Variants in KATNAL2 observed in about 807,000 individuals in gnomAD.
The protein encoded by KATNAL2 is katanin p60 ATPase-containing subunit A-like 2.
In KATNAL2, 52 loss-of-function variants were observed where a neutral mutation model predicts 76.3. The ratio of observed to expected loss-of-function variants is 0.68; its 90% CI spans 0.55 to 0.86. The LOEUF (loss-of-function observed/expected upper bound fraction) is 0.86, where lower values mean the gene tolerates loss of function less well. Ranked by LOEUF, KATNAL2 falls within the 40% of genes least tolerant of loss-of-function variation. KATNAL2 has a pLI of 0.00. For missense variants in KATNAL2, 660 were observed against 668.9 expected (o/e 0.99, Z 0.15); for synonymous variants, 243 against 244.2 (o/e 1.00, Z 0.05).
At chr18:46,932,478 C>A (rs1426735162) in intron 1 of KATNAL2, among the ~76,000 whole-genome samples, 2 of 151,206 alleles carry the variant, frequency 1.3e-5, no homozygotes, top group Non-Finnish European at 2.9e-5. Flanking sequence ...AGTTTGAGAC[C>A]AGCCTGGCCA....
chr18:47,055,839 C>T (rs553856218), intron 6 of KATNAL2, among the ~76,000 whole-genome samples: 20 of 152,240 alleles, frequency 1.3e-4, no homozygotes, highest in South Asian at 8.3e-4. Flanking sequence ...CAAGGAGCAC[C>T]GTGGCACATT....
intron 4 of KATNAL2, 116 bp from the exon 5 acceptor site, chr18:47,052,764 A>C (rs1290734274): frequency 2.9e-6 from 2 of 685,358 alleles, no homozygotes; most frequent in East Asian, 2.9e-5. Flanking sequence ...TTTTCATCTA[A>C]TGTGCTATAT....
chr18:47,033,108 C>G (rs757135048), intron 3 of KATNAL2: 1 of 1,614,166 alleles, frequency 6.2e-7, no homozygotes, highest in Non-Finnish European at 8.5e-7. Context: ...GCGCCGCGTG[C>G]TCATTGCTGC....
intron 4 of KATNAL2, among the ~76,000 whole-genome samples, chr18:47,048,756 A>G (rs1438861822): frequency 1.2e-4 from 18 of 150,588 alleles, no homozygotes; most frequent in Admixed American, 7.9e-4. Flanking sequence ...TGTTCAATCT[A>G]TGACAGGGCT....
At chr18:46,918,226 G>C (rs755368290) in intron 1 of KATNAL2, among the ~76,000 whole-genome samples, 10 of 152,166 alleles carry the variant, frequency 6.6e-5, no homozygotes, top group Non-Finnish European at 1.5e-4. Flanking sequence ...GCTGATATAG[G>C]ATGAAGGAAG....
rs2146662276 is a variant in KATNAL2, at chr18:46,946,455, G to A, written c.-111G>A. On this transcript the variant is annotated 5_prime_UTR_variant, in exon 2 of 18. Coordinates refer to ENST00000683218, the MANE Select transcript of KATNAL2 (RefSeq NM_001387690.1). ...CAAACCTTTACCCTAATCCAGGGAG[G>A]AGAAGACGGGACGTCAAAATATAGT... The A allele has an allele frequency of 1.0e-6, 1 of 985,456 alleles. No homozygotes were observed. The highest frequency in any genetic ancestry group is 4.7e-5 in the South Asian group (1 of 21,290). The allele number at this position is 985,456 out of a possible 1,614,324, so 61.0% of individuals were successfully genotyped here. A position where few individuals can be genotyped will look rare whatever the true frequency, so the allele number is the denominator to read the frequency against.
chr18:47,089,487 A>G (rs879458951), intron 15 of KATNAL2, among the ~76,000 whole-genome samples: 1 of 152,168 alleles, frequency 6.6e-6, no homozygotes, highest in Non-Finnish European at 1.5e-5. Flanking sequence ...TGATGCTCTC[A>G]ACCCAAACAT....
intron 6 of KATNAL2, 40 bp from the exon 7 acceptor site, chr18:47,058,195 C>T (rs2061524305): frequency 7.6e-7 from 1 of 1,310,268 alleles, no homozygotes; most frequent in Non-Finnish European, 1.1e-6. Context: ...AATTAAGTGG[C>T]TAGAATAATT....
In KATNAL2 at chr18:47,033,802, T is replaced by G. The variant is rs1279329299; in HGVS notation, c.52-12655T>G. 3 of 1,614,066 alleles carry G rather than the reference T, an allele frequency of 1.9e-6. No individual in the cohort carries two copies. In the Admixed American group the frequency reaches 5.0e-5, roughly 27 times the overall value. The stretch of plus-strand genomic sequence containing the variant: ...CTTTGGTGAAGAGAGTGCTTCTGGC[T>G]TTGCCTGGGAGGTCATGGAGTCAGA... On this transcript the variant is annotated intron_variant, in intron 3 of 17. Coordinates refer to ENST00000683218, the MANE Select transcript of KATNAL2 (RefSeq NM_001387690.1).
In KATNAL2 at chr18:47,088,128, C is replaced by T. The variant is rs907937128; in HGVS notation, c.1211+10667C>T. Among the ~76,000 whole-genome samples the T allele has an allele frequency of 3.3e-5, 5 of 152,170 alleles. No homozygotes were observed. In the East Asian group the frequency reaches 5.8e-4, roughly 18 times the overall value. The stretch of plus-strand genomic sequence containing the variant: ...TAAAAGGTTTTTTATTCTGGTAGAC[C>T]GCCTCTCCTCAGTCCTTTGGCTAGC... On this transcript the variant is annotated intron_variant, in intron 15 of 17. Coordinates refer to ENST00000683218, the MANE Select transcript of KATNAL2 (RefSeq NM_001387690.1).
In KATNAL2 at chr18:46,952,890, C is replaced by CTTT. The variant is rs35782374; in HGVS notation, c.51+5987_51+5989dup. 5.9e-3 allele frequency among the ~76,000 whole-genome samples: 548 copies of CTTT among 92,986 alleles called. 5 individuals carry two copies. Among genetic ancestry groups the CTTT allele is most frequent in the African/African-American group, 9.7e-3 (228 of 23,396 alleles). The allele number at this position is 92,986 out of a possible 152,430, so 61.0% of individuals were successfully genotyped here. A position where few individuals can be genotyped will look rare whatever the true frequency, so the allele number is the denominator to read the frequency against. ...TCCCTCCCTCCCTGCTTCCTTCCTTCTTTTTTTTTTTTTTTTTTTTTTGAG... is the reference window on the plus strand; with the variant it reads ...TCCCTCCCTCCCTGCTTCCTTCCTTCTTTTTTTTTTTTTTTTTTTTTTTTTGAG... On this transcript the variant is annotated intron_variant, in intron 3 of 17. Coordinates refer to ENST00000683218, the MANE Select transcript of KATNAL2 (RefSeq NM_001387690.1).
chr18:47,074,068 G>A (rs2062101836), intron 13 of KATNAL2, among the ~76,000 whole-genome samples: 1 of 152,106 alleles, frequency 6.6e-6, no homozygotes, highest in Non-Finnish European at 1.5e-5. Context: ...AGGTATATTT[G>A]GGCTTCTTTG....
chr18:47,061,402 G>T (rs1396794663), intron 8 of KATNAL2, among the ~76,000 whole-genome samples: 2 of 152,088 alleles, frequency 1.3e-5, no homozygotes, highest in Non-Finnish European at 2.9e-5. Context: ...AAACAACCAG[G>T]TCCCTCGTGA....
At chr18:47,068,181 G>C (rs947748824) in intron 11 of KATNAL2, among the ~76,000 whole-genome samples, 1 of 152,192 alleles carries the variant, frequency 6.6e-6, no homozygotes, top group African/African-American at 2.4e-5. Flanking sequence ...GGAGAAATAG[G>C]CTCCATTTCT....
At chr18:47,084,847 T>TAAAAAAAAAAAAAAA (rs34034453) in intron 15 of KATNAL2, among the ~76,000 whole-genome samples, 1 of 25,538 alleles carries the variant, frequency 3.9e-5, no homozygotes, top group African/African-American at 1.8e-4. Flanking sequence ...AGACTCTGTC[T>TAAAAAAAAAAAAAAA]AAAAAAAAAA....
At chr18:46,959,458 CT>C (rs1250262133) in intron 3 of KATNAL2, among the ~76,000 whole-genome samples, 2 of 151,744 alleles carry the variant, frequency 1.3e-5, no homozygotes, top group African/African-American at 4.8e-5. Flanking sequence ...CTCTTGGAAC[CT>C]TTTTTTTAAA....
In KATNAL2 at chr18:47,075,402, G is replaced by T. The variant is rs375948869; in HGVS notation, c.1100+34G>T. 2.8e-5 allele frequency: 40 copies of T among 1,415,834 alleles called. No individual in the cohort carries two copies. The African/African-American group carries it at 5.4e-4, about 19-fold the overall frequency. 87.7% of individuals were successfully genotyped at this position (1,415,834 alleles called of 1,614,324 possible). Reference sequence around the variant, plus strand: ...CAGGGTTGGGGTTTTTGTTGTTGTTGTTTTTTGTCATGGCTTCTCCCCTCT... The same window carrying T: ...CAGGGTTGGGGTTTTTGTTGTTGTTTTTTTTTGTCATGGCTTCTCCCCTCT... On this transcript the variant is annotated intron_variant, in intron 14 of 17. Transcript: ENST00000683218.
chr18:47,059,691 A>C (rs769959348), intron 8 of KATNAL2, 37 bp downstream of exon 8: 2 of 1,343,794 alleles, frequency 1.5e-6, no homozygotes, highest in African/African-American at 1.4e-5. Flanking sequence ...TGAAAGTGGT[A>C]ATTTCTTTTT....
intron 3 of KATNAL2, among the ~76,000 whole-genome samples, chr18:46,959,279 C>T (rs952404466): frequency 2.0e-5 from 3 of 152,168 alleles, no homozygotes; most frequent in Admixed American, 6.5e-5. Flanking sequence ...TGCTCTGTTC[C>T]GCTCATATAC....
Sources: gnomAD v4.1 joint callset for allele counts (sites outside exome capture counted in the v4.1 genomes callset) on GRCh38, gnomAD v4.1.1 for gene constraint, MANE v1.5 for transcripts, NCBI Gene and HGNC (gene_info 2026-07-23, HGNC 2026-07-21) for gene names.